Variants in YPEL2 observed in about 807,000 individuals in gnomAD.
YPEL2 encodes the protein protein yippee-like 2.
Under a neutral mutation model 19.1 loss-of-function variants are expected in YPEL2, and 2 were observed. The observed-to-expected ratio is 0.10, with a 90% CI of 0.04 to 0.33. The LOEUF (loss-of-function observed/expected upper bound fraction) is 0.33. Among genes scored for constraint, YPEL2 ranks in the 10% least tolerant of loss-of-function variants. The pLI is 1.00. For synonymous variants in YPEL2, 52 were observed against 50.0 expected (o/e 1.04, Z -0.17); for missense variants, 66 against 140.7 (o/e 0.47, Z 2.68).
chr17:59,361,392 T>C (rs964579543), intron 2 of YPEL2, among the ~76,000 whole-genome samples: 1 of 152,244 alleles, frequency 6.6e-6, no homozygotes, highest in Admixed American at 6.5e-5. Context: ...GTTTGGGAGA[T>C]AATAGATTCA....
At chr17:59,393,685 G>A (rs1248691560) in intron 4 of YPEL2, among the ~76,000 whole-genome samples, 3 of 147,094 alleles carry the variant, frequency 2.0e-5, no homozygotes, top group East Asian at 2.0e-4. Context: ...TGTGTCCCTG[G>A]GTACTTGAGA....
At chr17:59,394,393 G>A (rs2048026932) in intron 4 of YPEL2, among the ~76,000 whole-genome samples, 2 of 149,436 alleles carry the variant, frequency 1.3e-5, no homozygotes, top group African/African-American at 4.9e-5. Flanking sequence ...GGGCAGAGGC[G>A]CTCCCCACAT....
intron 2 of YPEL2, among the ~76,000 whole-genome samples, chr17:59,368,902 G>A (rs765464318): frequency 9.2e-5 from 14 of 152,216 alleles, no homozygotes; most frequent in Non-Finnish European, 1.3e-4. Flanking sequence ...ATGTTGTGGA[G>A]TAGTGGGCAT....
At chr17:59,340,873 C>T (rs1034186263) in intron 1 of YPEL2, among the ~76,000 whole-genome samples, 1 of 151,040 alleles carries the variant, frequency 6.6e-6, no homozygotes, top group African/African-American at 2.4e-5. Flanking sequence ...TGCCACCACG[C>T]CTGGCTAATT....
At chr17:59,365,772 C>A (rs1451509) in intron 2 of YPEL2, among the ~76,000 whole-genome samples, 1 of 151,842 alleles carries the variant, frequency 6.6e-6, no homozygotes, top group South Asian at 2.1e-4. Context: ...TCCCTCCTCT[C>A]CCTGGCTTAT....
At chr17:59,333,582 A>G (rs545150882) in intron 1 of YPEL2, among the ~76,000 whole-genome samples, 77 of 151,394 alleles carry the variant, frequency 5.1e-4, no homozygotes, top group Non-Finnish European at 9.1e-4. Context: ...AATTACCCTT[A>G]CTCCCTGCAG....
Position 59,400,679 on chromosome 17 carries a change from TAC to T in YPEL2, c.*3491_*3492del, listed in dbSNP as rs1472828429. The T allele has an allele frequency of 6.6e-6, 1 of 152,638 alleles. No homozygotes were observed. Among genetic ancestry groups the T allele is most frequent in the African/African-American group, 2.4e-5 (1 of 41,454 alleles). The allele number at this position is 152,638 out of a possible 1,614,324, so 9.5% of individuals were successfully genotyped here. On this transcript the variant is annotated 3_prime_UTR_variant, in exon 5 of 5. Coordinates refer to ENST00000312655, the MANE Select transcript of YPEL2 (RefSeq NM_001005404.4). Reference sequence around the variant, plus strand: ...CCAAGTTAATTTAGTAGTAACAACTTACAGTGATTCTTCCTGTTGGAAGAATT... The same window carrying T: ...CCAAGTTAATTTAGTAGTAACAACTTAGTGATTCTTCCTGTTGGAAGAATT...
chr17:59,362,265 G>GT (rs111399720), intron 2 of YPEL2, among the ~76,000 whole-genome samples: 4,614 of 142,246 alleles, frequency 0.032, 142 homozygotes, highest in African/African-American at 0.084. Flanking sequence ...GCATTCTATG[G>GT]TTTTTTTTTT....
At chr17:59,379,602 A>G (rs1269901711) in intron 2 of YPEL2, among the ~76,000 whole-genome samples, 1 of 152,180 alleles carries the variant, frequency 6.6e-6, no homozygotes, top group African/African-American at 2.4e-5. Context: ...GGCTGGGGGC[A>G]CGGGAGACAG....
chr17:59,341,343 G>C (rs896508459), intron 1 of YPEL2, among the ~76,000 whole-genome samples: 6 of 146,684 alleles, frequency 4.1e-5, no homozygotes, highest in Non-Finnish European at 7.5e-5. Flanking sequence ...AATGAGCGGA[G>C]ATCGCACCAC....
At chr17:59,388,464 C>T in intron 3 of YPEL2, 94 bp downstream of exon 3, 1 of 1,261,578 alleles carries the variant, frequency 7.9e-7, no homozygotes, top group East Asian at 2.3e-5. Context: ...TGAACCCTGC[C>T]CTGTCTGCCA....
chr17:59,386,308 C>A (rs1208842396), intron 2 of YPEL2, among the ~76,000 whole-genome samples: 1 of 150,208 alleles, frequency 6.7e-6, no homozygotes, highest in African/African-American at 2.5e-5. Flanking sequence ...GCCTGGGTGA[C>A]AGAGTGGGAC....
At chr17:59,361,893 G>C (rs1037758658) in intron 2 of YPEL2, among the ~76,000 whole-genome samples, 1 of 152,160 alleles carries the variant, frequency 6.6e-6, no homozygotes, top group Admixed American at 6.5e-5. Flanking sequence ...GGGAGGAGCT[G>C]GTAAAAGGAG....
At chr17:59,376,059 C>G (rs995894889) in intron 2 of YPEL2, among the ~76,000 whole-genome samples, 1 of 152,168 alleles carries the variant, frequency 6.6e-6, no homozygotes, top group Admixed American at 6.5e-5. Flanking sequence ...TTTGCATATT[C>G]TGACATCCTA....
At chr17:59,342,294 AT>A (rs1196588102) in intron 1 of YPEL2, among the ~76,000 whole-genome samples, 1 of 152,254 alleles carries the variant, frequency 6.6e-6, no homozygotes. Context: ...ACATTCATGT[AT>A]TCAGCAGATA....
chr17:59,396,235 T>C (rs938260695), intron 4 of YPEL2, among the ~76,000 whole-genome samples: 2 of 152,248 alleles, frequency 1.3e-5, no homozygotes, highest in Non-Finnish European at 2.9e-5. Flanking sequence ...TATGTAAATG[T>C]ACTAATTCAT....
rs1323933751 is a variant in YPEL2 at position 59,401,043 on chromosome 17, G to A, written c.*3853G>A. 1 of 152,496 alleles carries A rather than the reference G, an allele frequency of 6.6e-6. No homozygotes were observed. Among genetic ancestry groups the A allele is most frequent in the Non-Finnish European group, 1.5e-5 (1 of 68,030 alleles). The allele number at this position is 152,496 out of a possible 1,614,324, so 9.4% of individuals were successfully genotyped here. A position where few individuals can be genotyped will look rare whatever the true frequency, so the allele number is the denominator to read the frequency against. ...CTGTGCTTCTAACTGAGATGAGAGT[G>A]TATTAATCACGTATCGCAGGGCTCC... On this transcript the variant is annotated 3_prime_UTR_variant, in exon 5 of 5. Transcript: ENST00000312655.
chr17:59,341,529 G>A (rs1225961082), intron 1 of YPEL2, among the ~76,000 whole-genome samples: 1 of 152,066 alleles, frequency 6.6e-6, no homozygotes, highest in Non-Finnish European at 1.5e-5. Flanking sequence ...TGTGGTGGCG[G>A]GTGCCTATAA....
chr17:59,376,192 C>G (rs1391398239), intron 2 of YPEL2, among the ~76,000 whole-genome samples: 2 of 152,142 alleles, frequency 1.3e-5, no homozygotes, highest in South Asian at 4.1e-4. Context: ...CTGCCTGGAC[C>G]TCTGTCATCA....
Sources: gnomAD v4.1 joint callset for allele counts (sites outside exome capture counted in the v4.1 genomes callset) on GRCh38, gnomAD v4.1.1 for gene constraint, MANE v1.5 for transcripts, NCBI Gene and HGNC (gene_info 2026-07-23, HGNC 2026-07-21) for gene names.